ROCK2: variants seen among roughly 807,000 people sequenced by gnomAD.
The protein encoded by ROCK2 is Rho associated coiled-coil containing protein kinase 2, also known as rho-associated protein kinase 2.
In ROCK2, 61 loss-of-function variants were observed where a neutral mutation model predicts 195.1. The ratio of observed to expected loss-of-function variants is 0.31; its 90% CI spans 0.25 to 0.39. The LOEUF is 0.39. Among genes scored for constraint, ROCK2 ranks in the 10% least tolerant of loss-of-function variants. ROCK2 has a pLI of 1.00. For synonymous variants in ROCK2, 504 were observed against 545.5 expected, an observed-to-expected ratio of 0.92 and a Z score of 1.06; for missense variants, 1,109 against 1,637.4, an observed-to-expected ratio of 0.68 and a Z score of 5.57.
chr2:11,202,143 G>C (rs556574384), intron 20 of ROCK2, 22 bp from the exon 21 acceptor site: 2 of 1,592,420 alleles, frequency 1.3e-6, no homozygotes, highest in South Asian at 1.1e-5. Flanking sequence ...ATGAATCAAA[G>C]GTTTAAATAA....
chr2:11,285,652 C>T (rs907781633), intron 3 of ROCK2, among the ~76,000 whole-genome samples: 1 of 152,026 alleles, frequency 6.6e-6, no homozygotes, highest in Non-Finnish European at 1.5e-5. Context: ...CATGGTGAAA[C>T]CCCATCTCTA....
In ROCK2 at chr2:11,201,933, C is replaced by T; in HGVS notation, c.2619+119G>A. On this transcript the variant is annotated intron_variant, in intron 21 of 32. Coordinates refer to ENST00000315872, the MANE Select transcript of ROCK2 (RefSeq NM_004850.5). The surrounding 1 kb of genome is among the most constrained non-coding windows in gnomAD (Gnocchi z 4.6). ...TTTCTAGCAATGATAATAAATTTCT[C>T]TTAAACTATCTACATTCTTTTGCCC... 1 of 728,860 alleles carries T rather than the reference C, an allele frequency of 1.4e-6. No homozygotes were observed. Among genetic ancestry groups the T allele is most frequent in the Non-Finnish European group, 2.4e-6 (1 of 417,922 alleles). 45.1% of individuals were successfully genotyped at this position (728,860 alleles called of 1,614,324 possible).
chr2:11,214,446 C>A lies in ROCK2; in HGVS notation c.1954G>T (p.Glu652Ter). ...ATTTTGCCGTTCTTTAAATCTTCTT[C>A]TAGGCCACATATTCTACCTAAAAAT... The part of the protein sequence containing the change: ...NDLQGRICGL[E>*]EDLKNGKILL... Residue 652 changes from glutamate to a stop codon, truncating the protein, a stop_gained, in exon 17 of 33, where the codon GAA (glutamate) becomes TAA (stop). Transcript: ENST00000315872. LOFTEE classifies it high-confidence loss of function. 6.2e-7 allele frequency: 1 copy of A among 1,604,986 alleles called. No homozygotes were observed. The highest frequency in any genetic ancestry group is 1.3e-5 in the African/African-American group (1 of 74,798).
intron 20 of ROCK2, among the ~76,000 whole-genome samples, chr2:11,204,927 G>T (rs767592436): frequency 1.1e-4 from 16 of 152,096 alleles, no homozygotes; most frequent in Admixed American, 1.3e-4. Flanking sequence ...TCCTCTTTCA[G>T]ATTGCAGGCT....
chr2:11,335,281 T>C (rs1016421036), intron 1 of ROCK2, among the ~76,000 whole-genome samples: 9 of 152,056 alleles, frequency 5.9e-5, no homozygotes, highest in Non-Finnish European at 8.8e-5. Flanking sequence ...ATCTATATAA[T>C]TTAATAATAC....
intron 32 of ROCK2, among the ~76,000 whole-genome samples, chr2:11,186,131 T>C (rs1663189296): frequency 6.6e-6 from 1 of 152,242 alleles, no homozygotes; most frequent in Non-Finnish European, 1.5e-5. Flanking sequence ...TCTTTTAAAA[T>C]GTGCTAAACA....
rs769221330 is a variant in ROCK2, at chr2:11,192,438, AT to A, written c.3949+12del. 11 of 1,612,478 alleles carry A rather than the reference AT, an allele frequency of 6.8e-6. No homozygotes were observed. The South Asian group carries it at 1.2e-4, about 18-fold the overall frequency. ...ATAACCAATATCGATGGAGCAAGTA[AT>A]TTATCATTTACCTTTGCAAGGTGCT... On this transcript the variant is annotated intron_variant, in intron 31 of 32. Coordinates refer to ENST00000315872, the MANE Select transcript of ROCK2 (RefSeq NM_004850.5). The surrounding 1 kb of genome is among the most constrained non-coding windows in gnomAD (Gnocchi z 5.0).
chr2:11,237,838 G>A (rs1665266506), intron 4 of ROCK2, among the ~76,000 whole-genome samples: 2 of 152,228 alleles, frequency 1.3e-5, no homozygotes, highest in African/African-American at 4.8e-5. Flanking sequence ...AGCATTTTGG[G>A]AGGCCGAGGC....
chr2:11,316,025 T>C (rs188450568), intron 1 of ROCK2, among the ~76,000 whole-genome samples: 1 of 152,174 alleles, frequency 6.6e-6, no homozygotes, highest in Non-Finnish European at 1.5e-5. Context: ...TTTAGCCATA[T>C]GTAGCTAATG....
In ROCK2 at chr2:11,222,736, T is replaced by G. The variant is rs138413723; in HGVS notation, c.1008-562A>C. 7.6e-3 allele frequency among the ~76,000 whole-genome samples: 1,159 copies of G among 152,222 alleles called. 8 individuals are homozygous for G. Among genetic ancestry groups the G allele is most frequent in the Middle Eastern group, 0.017 (5 of 294 alleles). ...ATTCTTTGACCCTCTGAGTCTTCAA[T>G]GAAGACTGTATGGAAATAGAGAGCA... On this transcript the variant is annotated intron_variant, in intron 7 of 32. Coordinates refer to ENST00000315872, the MANE Select transcript of ROCK2 (RefSeq NM_004850.5).
chr2:11,251,109 C>A (rs1014016066), intron 3 of ROCK2, among the ~76,000 whole-genome samples: 1 of 152,198 alleles, frequency 6.6e-6, no homozygotes, highest in African/African-American at 2.4e-5. Flanking sequence ...CTCACCATCC[C>A]CTTCTGCTGC....
At chr2:11,295,024 G>T (rs1667468421) in intron 1 of ROCK2, among the ~76,000 whole-genome samples, 3 of 151,818 alleles carry the variant, frequency 2.0e-5, no homozygotes, top group Admixed American at 2.0e-4. Context: ...CCTGAACTCA[G>T]GTGATCCACC....
At chr2:11,220,208 G>C (rs561335038) in intron 9 of ROCK2, among the ~76,000 whole-genome samples, 6 of 152,038 alleles carry the variant, frequency 3.9e-5, no homozygotes, top group Admixed American at 1.3e-4. Flanking sequence ...AGTAGAGACG[G>C]GGTTTCTCTA....
At chr2:11,336,966 G>C (rs557710484) in intron 1 of ROCK2, among the ~76,000 whole-genome samples, 1 of 152,208 alleles carries the variant, frequency 6.6e-6, no homozygotes, top group Non-Finnish European at 1.5e-5. Context: ...TATGGGGCCA[G>C]GCATGGCGGC....
intron 6 of ROCK2, 95 bp from the exon 7 acceptor site, chr2:11,224,555 A>C: frequency 9.1e-7 from 1 of 1,103,718 alleles, no homozygotes; most frequent in South Asian, 1.4e-5. Flanking sequence ...TAAATTTGTC[A>C]CATGCAGGGA....
intron 16 of ROCK2, 42 bp from the exon 17 acceptor site, chr2:11,214,505 G>T: frequency 9.0e-7 from 1 of 1,108,074 alleles, no homozygotes; most frequent in Non-Finnish European, 1.3e-6. Context: ...AACCCACAAA[G>T]TATATACATT....
Position 11,195,034 on chromosome 2 carries a change from A to G in ROCK2, c.3449-9T>C. Reference sequence around the variant, plus strand: ...TCCTTCTAATCTTGATTCTACAAATAAGCACAACATGTGAGGCTAAAGATA... The same window carrying G: ...TCCTTCTAATCTTGATTCTACAAATGAGCACAACATGTGAGGCTAAAGATA... On this transcript the variant is annotated splice_polypyrimidine_tract_variant and intron_variant, in intron 27 of 32. Transcript: ENST00000315872. 1 of 1,529,628 alleles carries G rather than the reference A, an allele frequency of 6.5e-7. No homozygotes were observed. Among genetic ancestry groups the G allele is most frequent in the Non-Finnish European group, 8.9e-7 (1 of 1,122,984 alleles). 94.8% of individuals were successfully genotyped at this position (1,529,628 alleles called of 1,614,324 possible). A position where few individuals can be genotyped will look rare whatever the true frequency, so the allele number is the denominator to read the frequency against.
At position 11,192,343 on chromosome 2, in the gene ROCK2, G is replaced by A. The variant is rs775328443; in HGVS notation, c.3968C>T (p.Thr1323Met). The A allele has an allele frequency of 5.3e-5, 86 of 1,611,868 alleles. No homozygotes were observed. The highest frequency in any genetic ancestry group is 8.4e-5 in the Admixed American group (5 of 59,814). ...TGCTAGTAATAACAGATTCTTTGCCGTTGAAATATCATAATATACTATAAA... is the reference window on the plus strand; with the variant it reads ...TGCTAGTAATAACAGATTCTTTGCCATTGAAATATCATAATATACTATAAA... The part of the protein sequence containing the change: ...APCKVYYDIS[T>M]AKNLLLLANS... Residue 1323 changes from threonine to methionine, a missense_variant, in exon 32 of 33, where the codon ACG (threonine) becomes ATG (methionine). Transcript: ENST00000315872. This position sits in a 1 kb window ranked among gnomAD's most constrained non-coding sequence, Gnocchi z 5.0.
At chr2:11,221,096 C>T (rs1664621955) in intron 9 of ROCK2, 102 bp downstream of exon 9, 1 of 830,966 alleles carries the variant, frequency 1.2e-6, no homozygotes, top group Non-Finnish European at 1.7e-6. Flanking sequence ...TTGGAAAAAA[C>T]AAATTAATAC....
Sources: gnomAD v4.1 joint callset for allele counts (sites outside exome capture counted in the v4.1 genomes callset) on GRCh38, gnomAD v4.1.1 for gene constraint, Gnocchi (gnomAD v3.1) non-coding constraint, MANE v1.5 for transcripts, NCBI Gene and HGNC (gene_info 2026-07-23, HGNC 2026-07-21) for gene names.